The following ACTN2 variants were observed in gnomAD, a reference collection of about 807,000 sequenced individuals.
ACTN2 encodes the protein actinin alpha 2.
ACTN2 carries 39 observed loss-of-function variants against 113.8 expected under a neutral mutation model. That is an observed-to-expected ratio of 0.34 (90% confidence interval 0.27 to 0.45). The LOEUF (loss-of-function observed/expected upper bound fraction) is 0.45. Among genes scored for constraint, ACTN2 ranks in the 20% least tolerant of loss-of-function variants. ACTN2 has a pLI of 1.00. For synonymous variants in ACTN2, 429 were observed against 444.1 expected (o/e 0.97, Z 0.43); for missense variants, 992 against 1,177.9 (o/e 0.84, Z 2.31).
chr1:236,734,375 A>G, intron 7 of ACTN2: 1 of 1,259,204 alleles, frequency 7.9e-7, no homozygotes, highest in East Asian at 2.5e-5. Flanking sequence ...GGAAGTGCTT[A>G]GCAGAAGCCT....
intron 1 of ACTN2, among the ~76,000 whole-genome samples, chr1:236,706,685 C>T (rs1366182588): frequency 6.6e-6 from 1 of 152,154 alleles, no homozygotes; most frequent in Non-Finnish European, 1.5e-5. Context: ...TTATTTTACT[C>T]ATTACTTTTG....
intron 4 of ACTN2, among the ~76,000 whole-genome samples, chr1:236,721,033 T>TTTTTTTTTTTTTTTTTG: frequency 3.7e-5 from 4 of 108,830 alleles, no homozygotes; most frequent in African/African-American, 1.0e-4. Flanking sequence ...TTTTTTTTTT[T>TTTTTTTTTTTTTTTTTG]TTTTTTTTTT....
chr1:236,750,781 A>G (rs1572142705), intron 14 of ACTN2, among the ~76,000 whole-genome samples: 1 of 152,128 alleles, frequency 6.6e-6, no homozygotes, highest in Non-Finnish European at 1.5e-5. Context: ...CAAAGGTAAC[A>G]CTGGCCATTA....
chr1:236,735,846 T>C (rs1558239477), intron 8 of ACTN2, 126 bp downstream of exon 8: 1 of 875,490 alleles, frequency 1.1e-6, no homozygotes. Flanking sequence ...TGTTTTCTAA[T>C]AACCTCATAT....
chr1:236,754,439 T>C lies in ACTN2; in HGVS notation c.1974+358T>C, dbSNP rs1292615847. Among the ~76,000 whole-genome samples the C allele has an allele frequency of 6.6e-6, 1 of 152,214 alleles. No homozygotes were observed. Among genetic ancestry groups the C allele is most frequent in the Non-Finnish European group, 1.5e-5 (1 of 68,022 alleles). ...AGGAGGACACGTGAAGGCCCACAAA[T>C]ACTTTGCATTTTCAGAACATTTCAG... On this transcript the variant is annotated intron_variant, in intron 16 of 20. Coordinates refer to ENST00000366578, the MANE Select transcript of ACTN2 (RefSeq NM_001103.4). The surrounding 1 kb of genome is among the most constrained non-coding windows in gnomAD (Gnocchi z 4.9).
At chr1:236,686,877 G>T (rs1259916760) in intron 1 of ACTN2, 78 bp downstream of exon 1, 7 of 1,294,218 alleles carry the variant, frequency 5.4e-6, no homozygotes, top group East Asian at 6.7e-5. Context: ...TGGCCGCGTG[G>T]CCTGGCGACT....
intron 1 of ACTN2, among the ~76,000 whole-genome samples, chr1:236,694,103 G>A (rs1657389097): frequency 6.6e-6 from 1 of 152,088 alleles, no homozygotes; most frequent in African/African-American, 2.4e-5. Flanking sequence ...TCTAGAGCAG[G>A]GGTCACCTGA....
chr1:236,715,767 C>T (rs988172105), intron 1 of ACTN2, among the ~76,000 whole-genome samples: 1 of 152,006 alleles, frequency 6.6e-6, no homozygotes, highest in Non-Finnish European at 1.5e-5. Flanking sequence ...ACCAGTCTGG[C>T]CAACATGGCA....
rs1446042793 is a variant in ACTN2, at chr1:236,704,989, G to T, written c.127-12869G>T. Among the ~76,000 whole-genome samples, 6 of 152,148 alleles carry T rather than the reference G, an allele frequency of 3.9e-5. No individual in the cohort carries two copies. In the East Asian group the frequency reaches 1.2e-3, roughly 29 times the overall value. The stretch of plus-strand genomic sequence containing the variant: ...TGGCAGGACTCCTTCTGAAATGAGG[G>T]TCTTATGACCGACAGTCAGATAAGG... On this transcript the variant is annotated intron_variant, in intron 1 of 20. Transcript: ENST00000366578.
rs760937883 is a variant in ACTN2 at position 236,727,730 on chromosome 1, C to T, written c.589C>T (p.Leu197Phe). 1 of 1,614,134 alleles carries T rather than the reference C, an allele frequency of 6.2e-7. No individual in the cohort carries two copies. The highest frequency in any genetic ancestry group is 1.7e-5 in the Admixed American group (1 of 60,012). Residue 197 changes from leucine to phenylalanine, a missense_variant, in exon 6 of 21, where the codon CTC becomes TTC. By Grantham distance (22) the Leu-to-Phe change is conservative. Around this residue, in one of 3 missense-constraint regions of ACTN2, gnomAD observed 220 missense variants for 337.5 expected, o/e 0.65. Coordinates refer to ENST00000366578, the MANE Select transcript of ACTN2 (RefSeq NM_001103.4). ...CCTCATCCACCGACACCGGCCTGACCTCATTGACTACTCAAAGCTTAACAA... is the reference window on the plus strand; with the variant it reads ...CCTCATCCACCGACACCGGCCTGACTTCATTGACTACTCAAAGCTTAACAA... The part of the protein sequence containing the change: ...CALIHRHRPD[L>F]IDYSKLNKDD...
intron 12 of ACTN2, among the ~76,000 whole-genome samples, chr1:236,746,165 C>CAAAAAAAA (rs55953102): frequency 2.5e-5 from 2 of 80,410 alleles, no homozygotes; most frequent in Non-Finnish European, 2.5e-5. Flanking sequence ...GACTCCATCT[C>CAAAAAAAA]AAAAAAAAAA....
intron 12 of ACTN2, among the ~76,000 whole-genome samples, chr1:236,746,622 C>T (rs1357608725): frequency 6.6e-6 from 1 of 151,736 alleles, no homozygotes; most frequent in Non-Finnish European, 1.5e-5. Context: ...AGGAGGATCA[C>T]TTGAGCCTAA....
intron 18 of ACTN2, among the ~76,000 whole-genome samples, chr1:236,758,419 G>T (rs966387862): frequency 6.6e-6 from 1 of 150,510 alleles, no homozygotes; most frequent in Admixed American, 6.6e-5. Context: ...CCTAGTATCT[G>T]GGACTATAGG....
At chr1:236,695,563 T>TCCCCCCCCCCCC (rs71559972) in intron 1 of ACTN2, among the ~76,000 whole-genome samples, 10 of 100,780 alleles carry the variant, frequency 9.9e-5, no homozygotes, top group African/African-American at 1.6e-4. Context: ...TGAAATGAGT[T>TCCCCCCCCCCCC]CCCCCCCCCT....
chr1:236,731,335 G>T, intron 7 of ACTN2, 21 bp downstream of exon 7: 1 of 1,601,366 alleles, frequency 6.2e-7, no homozygotes, highest in Non-Finnish European at 8.6e-7. Flanking sequence ...AATTGTGTTT[G>T]CTGAGTTACA....
At position 236,754,959 on chromosome 1, in the gene ACTN2, G is replaced by C; in HGVS notation, c.1975-60G>C. On this transcript the variant is annotated intron_variant, in intron 16 of 20. Transcript: ENST00000366578. This position sits in a 1 kb window ranked among gnomAD's most constrained non-coding sequence, Gnocchi z 4.9. ...GGTCTGGAACGGCGCCTCGTGCCGA[G>C]CTCCCTTAGAGGGCACTTCACTCTG... is the stretch of plus-strand genomic sequence containing the variant. 6.2e-7 allele frequency: 1 copy of C among 1,607,348 alleles called. No individual in the cohort carries two copies. The highest frequency in any genetic ancestry group is 1.9e-4 in the Middle Eastern group (1 of 5,384).
At chr1:236,736,763 T>A in intron 8 of ACTN2, 1 of 824,086 alleles carries the variant, frequency 1.2e-6, no homozygotes, top group Non-Finnish European at 1.9e-6. Flanking sequence ...ATGAGATCAG[T>A]GGAGAGTTCA....
At chr1:236,736,423 C>T (rs545901167) in intron 8 of ACTN2, 3 of 608,512 alleles carry the variant, frequency 4.9e-6, no homozygotes, top group East Asian at 5.7e-5. Context: ...GCTGCGGGCC[C>T]AGAAGCCAGT....
chr1:236,709,432 G>A (rs1437331785), intron 1 of ACTN2, among the ~76,000 whole-genome samples: 1 of 149,734 alleles, frequency 6.7e-6, no homozygotes, highest in Non-Finnish European at 1.5e-5. Flanking sequence ...TAATTGCATG[G>A]TGTCAGAGTC....
Sources: allele counts gnomAD v4.1 joint callset (sites outside exome capture counted in the v4.1 genomes callset), GRCh38; gene constraint gnomAD v4.1.1; regional missense constraint gnomAD v4.1.1; non-coding constraint Gnocchi (gnomAD v3.1); transcripts MANE v1.5; gene names NCBI Gene and HGNC (gene_info 2026-07-23, HGNC 2026-07-21).